PIK3AP1: variants seen among roughly 807,000 people sequenced by gnomAD.
The protein encoded by PIK3AP1 is phosphoinositide-3-kinase adaptor protein 1.
A neutral mutation model predicts 88.1 loss-of-function variants in PIK3AP1; 21 were observed. The ratio of observed to expected loss-of-function variants is 0.24; its 90% CI spans 0.17 to 0.34. The LOEUF is 0.34. PIK3AP1 is among the 10% of genes least tolerant of loss of function. The pLI, the probability that PIK3AP1 is intolerant of heterozygous loss-of-function variation, is 1.00. For missense variants in PIK3AP1, 828 were observed against 1,035.7 expected (o/e 0.80, Z 2.75); for synonymous variants, 398 against 400.0 (o/e 1.00, Z 0.06).
In PIK3AP1 at chr10:96,609,774, A is replaced by G. The variant is rs1554952901; in HGVS notation, c.2108T>C (p.Ile703Thr). The part of the protein sequence containing the change: ...VYESGPRKSV[I>T]PPRTELRRGD... ...TCGTCTCAGCTCCGTCCTAGGGGGA[A>G]TGACACTTTTCCTGGGGCCACTCTC... The change falls in exon 14 of 17, where the codon ATT becomes ACT. Residue 703 changes from isoleucine to threonine, a missense_variant. Ile to Thr is a moderately conservative substitution (Grantham distance 89, BLOSUM62 -1). This residue lies in a region of PIK3AP1 where 191 missense variants were observed against 208.6 expected (regional missense o/e 0.92). Coordinates refer to ENST00000339364, the MANE Select transcript of PIK3AP1 (RefSeq NM_152309.3). 6.2e-7 allele frequency: 1 copy of G among 1,614,140 alleles called. No individual in the cohort carries two copies. Among genetic ancestry groups the G allele is most frequent in the South Asian group, 1.1e-5 (1 of 91,084 alleles).
chr10:96,700,450 G>A lies in PIK3AP1; in HGVS notation c.430+9117C>T, dbSNP rs1187427064. ...CCCCTGATTCCGCAAGGCAGTTAGG[G>A]TATCAGGCAGGGGAAACCCCAAGTG... On this transcript the variant is annotated intron_variant, in intron 2 of 16. Transcript: ENST00000339364. Among the ~76,000 whole-genome samples the A allele has an allele frequency of 2.0e-5, 3 of 152,206 alleles. 1 individual carries two copies. Among genetic ancestry groups the A allele is most frequent in the Non-Finnish European group, 4.4e-5 (3 of 68,036 alleles).
chr10:96,720,386 G>T lies in PIK3AP1; in HGVS notation c.9C>A (p.Ala3=). The T allele has an allele frequency of 8.1e-7, 1 of 1,240,472 alleles. No individual in the cohort carries two copies. The highest frequency in any genetic ancestry group is 1.0e-6 in the Non-Finnish European group (1 of 987,500). The allele number at this position is 1,240,472 out of a possible 1,614,324, so 76.8% of individuals were successfully genotyped here. Reference sequence around the variant, plus strand: ...CCGCGGCGCCTGCCTACCCACCTGAGGCTGCCATGCCGCGGGGCGCCGCTC... The same window carrying T: ...CCGCGGCGCCTGCCTACCCACCTGATGCTGCCATGCCGCGGGGCGCCGCTC... MA[A]SGVPRGCDIL... The change falls in exon 1 of 17, where the codon GCC becomes GCA. Residue 3 remains alanine (A), a synonymous_variant. Coordinates refer to ENST00000339364, the MANE Select transcript of PIK3AP1 (RefSeq NM_152309.3). This position sits in a 1 kb window ranked among gnomAD's most constrained non-coding sequence, Gnocchi z 4.6.
chr10:96,667,148 T>C (rs1462977204), intron 2 of PIK3AP1, among the ~76,000 whole-genome samples: 1 of 152,250 alleles, frequency 6.6e-6, no homozygotes, highest in East Asian at 1.9e-4. Context: ...ATCCATGGTC[T>C]TCCATGCCCT....
chr10:96,628,365 C>A lies in PIK3AP1; in HGVS notation c.1471+33G>T, dbSNP rs550270107. On this transcript the variant is annotated intron_variant, in intron 9 of 16. Transcript: ENST00000339364. ...GTCTTGCATTTGTTTCTCTTTTGCT[C>A]TTTTGGCTTCCCTGCTCATGGCTAT... 5.2e-6 allele frequency: 8 copies of A among 1,530,084 alleles called. No individual in the cohort carries two copies. In the African/African-American group the frequency reaches 8.2e-5, roughly 16 times the overall value. The allele number at this position is 1,530,084 out of a possible 1,614,324, so 94.8% of individuals were successfully genotyped here.
chr10:96,597,263 TTTCTTTCTTTCCTTCC>T (rs1848773740), intron 16 of PIK3AP1, among the ~76,000 whole-genome samples: 1 of 143,496 alleles, frequency 7.0e-6, no homozygotes, highest in Non-Finnish European at 1.5e-5. Context: ...TTTTTCTTTC[TTTCTTTCTTTCCTTCC>T]TTCCTTCCTT....
At chr10:96,610,631 A>T (rs1424316897) in intron 13 of PIK3AP1, among the ~76,000 whole-genome samples, 2 of 152,144 alleles carry the variant, frequency 1.3e-5, no homozygotes, top group African/African-American at 4.8e-5. Context: ...AGATTTTGTG[A>T]CTTGCAAGGC....
Position 96,711,193 on chromosome 10 carries a change from T to C in PIK3AP1, c.14-1210A>G, listed in dbSNP as rs1406818018. Among the ~76,000 whole-genome samples the C allele has an allele frequency of 2.0e-5, 3 of 152,220 alleles. 1 individual carries two copies. Among genetic ancestry groups the C allele is most frequent in the Non-Finnish European group, 4.4e-5 (3 of 68,030 alleles). ...TTGCTCAACTTCATACTCTAGATTA[T>C]TGGCAGAGCCAGAACTGACACTCAG... On this transcript the variant is annotated intron_variant, in intron 1 of 16. Coordinates refer to ENST00000339364, the MANE Select transcript of PIK3AP1 (RefSeq NM_152309.3).
chr10:96,646,215 G>A lies in PIK3AP1; in HGVS notation c.1186-553C>T, dbSNP rs577665130. On this transcript the variant is annotated intron_variant, in intron 7 of 16. Coordinates refer to ENST00000339364, the MANE Select transcript of PIK3AP1 (RefSeq NM_152309.3). ...GTGGAGGTTGCAGTGAGCCAAGATC[G>A]CACCAGTGCACTACAGCCTGGGCAA... Among the ~76,000 whole-genome samples, 5 of 151,692 alleles carry A rather than the reference G, an allele frequency of 3.3e-5. No individual in the cohort carries two copies. In the South Asian group the frequency reaches 6.2e-4, roughly 19 times the overall value.
intron 8 of PIK3AP1, among the ~76,000 whole-genome samples, chr10:96,640,496 A>C (rs1449012128): frequency 5.3e-5 from 8 of 152,192 alleles, no homozygotes; most frequent in Non-Finnish European, 2.9e-5. Context: ...AGGTAAGGGC[A>C]GGGGACAAAG....
chr10:96,712,436 A>G (rs1041667436), intron 1 of PIK3AP1, among the ~76,000 whole-genome samples: 3 of 152,188 alleles, frequency 2.0e-5, no homozygotes, highest in Non-Finnish European at 4.4e-5. Context: ...AAGTTAATGC[A>G]CCAGTGCTGC....
chr10:96,713,263 C>T (rs1210635056), intron 1 of PIK3AP1, among the ~76,000 whole-genome samples: 2 of 150,886 alleles, frequency 1.3e-5, no homozygotes, highest in East Asian at 1.9e-4. Context: ...TTTGGTAGGC[C>T]GAGGCAGGCA....
At chr10:96,688,330 A>G (rs1033565743) in intron 2 of PIK3AP1, among the ~76,000 whole-genome samples, 1 of 152,226 alleles carries the variant, frequency 6.6e-6, no homozygotes, top group Admixed American at 6.5e-5. Context: ...AGGATAAGTC[A>G]CAGGAACTTA....
intron 8 of PIK3AP1, among the ~76,000 whole-genome samples, chr10:96,638,614 C>T (rs1274400199): frequency 1.3e-5 from 2 of 152,180 alleles, no homozygotes; most frequent in African/African-American, 2.4e-5. Context: ...TTTTCTTATG[C>T]AGACAAATGC....
At chr10:96,604,159 T>G in intron 14 of PIK3AP1, 110 bp from the exon 15 acceptor site, 1 of 909,022 alleles carries the variant, frequency 1.1e-6, no homozygotes, top group Non-Finnish European at 1.6e-6. Flanking sequence ...ACATAAGCTG[T>G]AAGTATGGGG....
intron 16 of PIK3AP1, among the ~76,000 whole-genome samples, chr10:96,596,996 T>G (rs1310113377): frequency 3.3e-5 from 5 of 152,136 alleles, no homozygotes; most frequent in African/African-American, 7.2e-5. Flanking sequence ...AGGGGCTGCC[T>G]CAGGAGCAAG....
intron 14 of PIK3AP1, among the ~76,000 whole-genome samples, chr10:96,605,644 G>C (rs941412954): frequency 2.6e-4 from 40 of 152,176 alleles, no homozygotes; most frequent in African/African-American, 8.7e-4. Flanking sequence ...ACTGCATTCT[G>C]GTATCAACTT....
intron 16 of PIK3AP1, among the ~76,000 whole-genome samples, chr10:96,595,969 TCTGATGTTTTG>T (rs1284044729): frequency 6.6e-6 from 1 of 152,228 alleles, no homozygotes; most frequent in African/African-American, 2.4e-5. Flanking sequence ...CCTTTCATTA[TCTGATGTTTTG>T]CCATCTTGGG....
chr10:96,696,040 T>C (rs1453990706), intron 2 of PIK3AP1, among the ~76,000 whole-genome samples: 1 of 152,214 alleles, frequency 6.6e-6, no homozygotes, highest in Non-Finnish European at 1.5e-5. Flanking sequence ...ATCAAGCCTC[T>C]ACATAAGATG....
In PIK3AP1 at chr10:96,646,665, C is replaced by G. The variant is rs551140536; in HGVS notation, c.1186-1003G>C. 2.0e-5 allele frequency among the ~76,000 whole-genome samples: 3 copies of G among 152,136 alleles called. No individual in the cohort carries two copies. In the East Asian group the frequency reaches 5.8e-4, roughly 29 times the overall value. ...CAGTCTCCTCCAAACTGTCAGGAAC[C>G]CTGACAGTTTCCAGGGGTTCCAGCC... On this transcript the variant is annotated intron_variant, in intron 7 of 16. Coordinates refer to ENST00000339364, the MANE Select transcript of PIK3AP1 (RefSeq NM_152309.3).
Sources: gnomAD v4.1 joint callset for allele counts (sites outside exome capture counted in the v4.1 genomes callset) on GRCh38, gnomAD v4.1.1 for gene constraint, gnomAD v4.1.1 regional missense constraint, Gnocchi (gnomAD v3.1) non-coding constraint, MANE v1.5 for transcripts, NCBI Gene and HGNC (gene_info 2026-07-23, HGNC 2026-07-21) for gene names.